MED16: variants seen among roughly 807,000 people sequenced by gnomAD.
MED16 encodes mediator of RNA polymerase II transcription subunit 16.
In MED16, 81 loss-of-function variants were observed where a neutral mutation model predicts 84.4. That is an observed-to-expected ratio of 0.96 (90% confidence interval 0.80 to 1.15). The LOEUF (loss-of-function observed/expected upper bound fraction) is 1.15, where lower values mean the gene tolerates loss of function less well. MED16 is among the 50% of genes most tolerant of loss of function. The pLI, the probability that MED16 is intolerant of heterozygous loss-of-function variation, is 0.00. For missense variants in MED16, 1,585 were observed against 1,245.9 expected (o/e 1.27, Z -4.10); for synonymous variants, 897 against 552.2 (o/e 1.62, Z -8.76).
chr19:875,311 A>T lies in MED16; in HGVS notation c.1704T>A (p.Phe568Leu). The change falls in exon 10 of 16, where the codon TTT becomes TTA. Residue 568 changes from phenylalanine to leucine, a missense_variant. Transcript: ENST00000325464. ...CGGGGCTCTTGTCAGGCGTGTTGAG[A>T]AAGTGGGGGCGCAGCAGCGACTTCA... ...STLKSLLRPH[F>L]LNTPDKSPGD... 3.1e-6 allele frequency: 5 copies of T among 1,610,452 alleles called. No homozygotes were observed. Among genetic ancestry groups the T allele is most frequent in the Non-Finnish European group, 4.2e-6 (5 of 1,179,478 alleles).
rs750430172 is a variant in MED16 at position 875,279 on chromosome 19, C to T, written c.1736G>A (p.Arg579Gln). The change falls in exon 10 of 16, where the codon CGG becomes CAG. Residue 579 changes from arginine (R) to glutamine (Q), a missense_variant. Arg to Gln is a conservative substitution (Grantham distance 43). Transcript: ENST00000325464. Reference protein sequence around the residue: ...LNTPDKSPGDRLTEICTKITD... With the variant: ...LNTPDKSPGDQLTEICTKITD... ...GATCTTGGTGCAGATCTCGGTCAGC[C>T]GGTCGCCGGGGCTCTTGTCAGGCGT... The T allele has an allele frequency of 1.2e-5, 16 of 1,300,960 alleles. No individual in the cohort carries two copies. Among genetic ancestry groups the T allele is most frequent in the East Asian group, 3.0e-5 (1 of 33,838 alleles). 80.6% of individuals were successfully genotyped at this position (1,300,960 alleles called of 1,614,324 possible). A position where few individuals can be genotyped will look rare whatever the true frequency, so the allele number is the denominator to read the frequency against.
chr19:885,897 TCGCTCACCA>T lies in MED16; in HGVS notation c.743_751del (p.Val248_Ser250del). On this transcript the variant is annotated inframe_deletion, in exon 5 of 16. Transcript: ENST00000325464. ...GATCTCCGTGTCGATACGGCACTTC[TCGCTCACCA>T]CGCTCACGCACACCTTGTAGAACTG... 1 of 1,613,676 alleles carries T rather than the reference TCGCTCACCA, an allele frequency of 6.2e-7. No individual in the cohort carries two copies. The highest frequency in any genetic ancestry group is 8.5e-7 in the Non-Finnish European group (1 of 1,179,962).
intron 8 of MED16, among the ~76,000 whole-genome samples, chr19:877,557 A>G (rs2036279699): frequency 3.2e-5 from 3 of 92,614 alleles, no homozygotes; most frequent in Admixed American, 2.8e-4. Flanking sequence ...AACCCATCAC[A>G]CAGACAAGGC....
chr19:889,086 T>TCCC (rs1244809767), intron 4 of MED16, among the ~76,000 whole-genome samples: 1 of 106,614 alleles, frequency 9.4e-6, no homozygotes, highest in Admixed American at 1.1e-4. Context: ...CTCTTAACTG[T>TCCC]CCCCAACCCT....
At chr19:881,166 T>C (rs2036414159) in intron 7 of MED16, among the ~76,000 whole-genome samples, 2 of 152,176 alleles carry the variant, frequency 1.3e-5, no homozygotes, top group African/African-American at 4.8e-5. Context: ...GGGTAGGCAC[T>C]GAAGAGTGTG....
rs1036759477 is a variant in MED16 at position 889,944 on chromosome 19, C to T, written c.278-137G>A. 32 of 1,066,554 alleles carry T rather than the reference C, an allele frequency of 3.0e-5. No homozygotes were observed. The East Asian group carries it at 3.9e-4, about 13-fold the overall frequency. 66.1% of individuals were successfully genotyped at this position (1,066,554 alleles called of 1,614,324 possible). A position where few individuals can be genotyped will look rare whatever the true frequency, so the allele number is the denominator to read the frequency against. The stretch of plus-strand genomic sequence containing the variant: ...GTAGGGCACAGCAGGTGGCACAAGG[C>T]GCACTCCAGAGATGCCCTGAGACAC... On this transcript the variant is annotated intron_variant, in intron 3 of 15. Transcript: ENST00000325464.
chr19:884,726 C>T (rs1037596611), intron 6 of MED16, among the ~76,000 whole-genome samples, 177 bp downstream of exon 6: 1 of 152,232 alleles, frequency 6.6e-6, no homozygotes, highest in Non-Finnish European at 1.5e-5. Context: ...ACTCAGAATG[C>T]TGGCAGGCGC....
rs375804920 is a variant in MED16, at chr19:868,850, G to C, written c.2399+13C>G. ...CACATCTCTGGGAGTCAGCGGTTCCGGGGGCCCCTCACCTGGTGCAGGCCT... is the reference window on the plus strand; with the variant it reads ...CACATCTCTGGGAGTCAGCGGTTCCCGGGGCCCCTCACCTGGTGCAGGCCT... On this transcript the variant is annotated intron_variant, in intron 14 of 15. Transcript: ENST00000325464. 9.1e-6 allele frequency: 14 copies of C among 1,543,382 alleles called. No individual in the cohort carries two copies. In the East Asian group the frequency reaches 1.2e-4, roughly 13 times the overall value.
Position 871,199 on chromosome 19 carries a change from C to T in MED16, c.2153G>A (p.Cys718Tyr). 1 of 1,550,412 alleles carries T rather than the reference C, an allele frequency of 6.4e-7. No homozygotes were observed. Among genetic ancestry groups the T allele is most frequent in the Non-Finnish European group, 8.7e-7 (1 of 1,146,748 alleles). ...GATAAGCAGCTGGCTGGGCAGCAGG[C>T]AGCATTCATCCACCAGCGCCTCGTC... The part of the protein sequence containing the change: ...EPDEALVDEC[C>Y]LLPSQLLIPS... The change falls in exon 13 of 16, where the codon TGC becomes TAC. Residue 718 changes from cysteine (C) to tyrosine (Y), a missense_variant. Physicochemically the swap from Cys to Tyr is radical, Grantham distance 194 (BLOSUM62 -2). Coordinates refer to ENST00000325464, the MANE Select transcript of MED16 (RefSeq NM_005481.3).
chr19:879,655 C>T (rs28604587), intron 8 of MED16, among the ~76,000 whole-genome samples: 3 of 117,016 alleles, frequency 2.6e-5, no homozygotes, highest in Non-Finnish European at 5.3e-5. Flanking sequence ...TCACGTTCCC[C>T]TGGTTGTCAA....
At position 890,186 on chromosome 19, in the gene MED16, G is replaced by A. The variant is rs2036605856; in HGVS notation, c.228C>T (p.Ile76=). The A allele has an allele frequency of 1.3e-6, 2 of 1,554,330 alleles. No individual in the cohort carries two copies. The highest frequency in any genetic ancestry group is 1.7e-6 in the Non-Finnish European group (2 of 1,148,950). ...TGATGGCCTCGTGGTGCTCTGAGGG[G>A]ATCGAGTGCAGGTCCCAGGGGTGCT... ...DTEHPWDLHS[I]PSEHHEAITC... is the part of the protein sequence containing the mutation. Residue 76 remains isoleucine, a synonymous_variant, in exon 3 of 16, where the codon ATC becomes ATT. Coordinates refer to ENST00000325464, the MANE Select transcript of MED16 (RefSeq NM_005481.3).
intron 4 of MED16, among the ~76,000 whole-genome samples, chr19:886,964 A>C (rs2036537999): frequency 1.3e-5 from 2 of 152,018 alleles, no homozygotes; most frequent in Admixed American, 6.6e-5. Flanking sequence ...CTATAATCCC[A>C]GCTACTCAGG....
At position 875,374 on chromosome 19, in the gene MED16, G is replaced by A. The variant is rs199765164; in HGVS notation, c.1641C>T (p.Tyr547=). The change falls in exon 10 of 16, where the codon TAC becomes TAT. Residue 547 remains tyrosine (Y), a synonymous_variant. Coordinates refer to ENST00000325464, the MANE Select transcript of MED16 (RefSeq NM_005481.3). Reference sequence around the variant, plus strand: ...TGGCGATGAGGAAGAGCTTGGTGTGGTAGTCGCACACGCGGGTCACCGTGC... The same window carrying A: ...TGGCGATGAGGAAGAGCTTGGTGTGATAGTCGCACACGCGGGTCACCGTGC... ...SPCTVTRVCD[Y]HTKLFLIAIS... 2 of 1,609,768 alleles carry A rather than the reference G, an allele frequency of 1.2e-6. No individual in the cohort carries two copies. Among genetic ancestry groups the A allele is most frequent in the South Asian group, 1.1e-5 (1 of 91,066 alleles).
chr19:878,076 T>C (rs1289198864), intron 8 of MED16, among the ~76,000 whole-genome samples: 1 of 109,192 alleles, frequency 9.2e-6, no homozygotes, highest in African/African-American at 3.5e-5. Context: ...TGGCTGTCAA[T>C]GCCCCCCAGC....
chr19:880,347 G>A (rs189578001), intron 7 of MED16, among the ~76,000 whole-genome samples, 199 bp from the exon 8 acceptor site: 54 of 152,364 alleles, frequency 3.5e-4, no homozygotes, highest in African/African-American at 1.3e-3. Flanking sequence ...GGGAGCAGGA[G>A]CCAGCAGCCT....
At chr19:891,547 C>A (rs1320700267) in intron 1 of MED16, among the ~76,000 whole-genome samples, 1 of 152,118 alleles carries the variant, frequency 6.6e-6, no homozygotes, top group East Asian at 1.9e-4. Flanking sequence ...GAAGAGCCCG[C>A]AGACAGGCAA....
intron 8 of MED16, among the ~76,000 whole-genome samples, chr19:877,486 C>A (rs111361713): frequency 2.0e-5 from 3 of 150,950 alleles, no homozygotes; most frequent in East Asian, 1.9e-4. Context: ...TCAACAGCTC[C>A]TAGTTACGAA....
rs534242015 is a variant in MED16 at position 868,114 on chromosome 19, T to C, written c.2621A>G (p.Glu874Gly). Residue 874 changes from glutamate (E) to glycine (G), a missense_variant, in exon 16 of 16, where the codon GAG becomes GGG. Coordinates refer to ENST00000325464, the MANE Select transcript of MED16 (RefSeq NM_005481.3). ...GACCCCCGGCCGTCACGGACGGTCC[T>C]CTGGATGCAGATGGTCCAGGGATCT... ...TPRSLDHLHPEDRP is the reference protein window; with the variant it reads ...TPRSLDHLHPGDRP 1 of 1,609,944 alleles carries C rather than the reference T, an allele frequency of 6.2e-7. No individual in the cohort carries two copies. The highest frequency in any genetic ancestry group is 1.1e-5 in the South Asian group (1 of 90,838).
intron 4 of MED16, among the ~76,000 whole-genome samples, chr19:886,996 T>C (rs1030761775): frequency 2.0e-5 from 3 of 151,414 alleles, no homozygotes; most frequent in Admixed American, 1.3e-4. Flanking sequence ...GGAGAATTGC[T>C]GGAATCCAGG....
Sources: gnomAD v4.1 joint callset for allele counts (sites outside exome capture counted in the v4.1 genomes callset) on GRCh38, gnomAD v4.1.1 for gene constraint, MANE v1.5 for transcripts, NCBI Gene and HGNC (gene_info 2026-07-23, HGNC 2026-07-21) for gene names.